The following NIBAN2 variants were observed in gnomAD, a reference collection of about 807,000 sequenced individuals.
NIBAN2 encodes protein Niban 2.
In NIBAN2, 36 loss-of-function variants were observed where a neutral mutation model predicts 81.8. That is an observed-to-expected ratio of 0.44 (90% confidence interval 0.34 to 0.58). The LOEUF (loss-of-function observed/expected upper bound fraction) is 0.58, where lower values mean the gene tolerates loss of function less well. Ranked by LOEUF, NIBAN2 falls within the 20% of genes least tolerant of loss-of-function variation. NIBAN2 has a pLI of 0.02. For missense variants in NIBAN2, 897 were observed against 1,014.1 expected (o/e 0.88, Z 1.57); for synonymous variants, 445 against 441.6 (o/e 1.01, Z -0.10).
intron 1 of NIBAN2, among the ~76,000 whole-genome samples, chr9:127,555,126 G>A (rs1837644043): frequency 6.6e-6 from 1 of 152,032 alleles, no homozygotes; most frequent in Non-Finnish European, 1.5e-5. Context: ...TTCATATTAT[G>A]CCATTGAACA....
At chr9:127,569,508 G>C (rs1837921266), upstream of NIBAN2, among the ~76,000 whole-genome samples, 1 of 151,820 alleles carries the variant, frequency 6.6e-6, no homozygotes, top group Non-Finnish European at 1.5e-5. Context: ...CCCCAACCTT[G>C]CCCGCGCGGG....
At chr9:127,513,877 G>C (rs1056149987) in intron 8 of NIBAN2, among the ~76,000 whole-genome samples, 5 of 152,116 alleles carry the variant, frequency 3.3e-5, no homozygotes, top group Non-Finnish European at 7.3e-5. Context: ...GTCTGGATCG[G>C]GACCCCTTTC....
Position 127,569,009 on chromosome 9 carries a change from C to T in NIBAN2, c.-135G>A. ...CCCGCCGCTCCCGCCGCTCCCGCCGCCCGGCTGCGGCTTCCGCTCCGGCTC... is the reference window on the plus strand; with the variant it reads ...CCCGCCGCTCCCGCCGCTCCCGCCGTCCGGCTGCGGCTTCCGCTCCGGCTC... On this transcript the variant is annotated 5_prime_UTR_variant, in exon 1 of 14. Coordinates refer to ENST00000373312, the MANE Select transcript of NIBAN2 (RefSeq NM_022833.4). 1 of 1,003,104 alleles carries T rather than the reference C, an allele frequency of 1.0e-6. No homozygotes were observed. The highest frequency in any genetic ancestry group is 1.2e-6 in the Non-Finnish European group (1 of 819,326). 62.1% of individuals were successfully genotyped at this position (1,003,104 alleles called of 1,614,324 possible).
In NIBAN2 at chr9:127,559,145, G is replaced by A. The variant is rs899916099; in HGVS notation, c.55+9675C>T. Among the ~76,000 whole-genome samples, 2 of 152,228 alleles carry A rather than the reference G, an allele frequency of 1.3e-5. No individual in the cohort carries two copies. The highest frequency in any genetic ancestry group is 4.8e-5 in the African/African-American group (2 of 41,454). On this transcript the variant is annotated intron_variant, in intron 1 of 13. Coordinates refer to ENST00000373312, the MANE Select transcript of NIBAN2 (RefSeq NM_022833.4). The surrounding 1 kb of genome is among the most constrained non-coding windows in gnomAD (Gnocchi z 4.0). ...TGTAACATGAGCCACAGCACATCCA[G>A]CTTGATGGAACCTTCTTGGCTGGCA...
rs1311410713 is a variant in NIBAN2, at chr9:127,559,272, A to C, written c.55+9548T>G. Reference sequence around the variant, plus strand: ...CAGAGCAAGCTCTTCCTTCAACGGCAAGATGGCCTCCTGCAATGTGGAGGT... The same window carrying C: ...CAGAGCAAGCTCTTCCTTCAACGGCCAGATGGCCTCCTGCAATGTGGAGGT... On this transcript the variant is annotated intron_variant, in intron 1 of 13. Coordinates refer to ENST00000373312, the MANE Select transcript of NIBAN2 (RefSeq NM_022833.4). This position sits in a 1 kb window ranked among gnomAD's most constrained non-coding sequence, Gnocchi z 4.0. 6.6e-6 allele frequency among the ~76,000 whole-genome samples: 1 copy of C among 152,218 alleles called. No homozygotes were observed. Among genetic ancestry groups the C allele is most frequent in the Non-Finnish European group, 1.5e-5 (1 of 68,044 alleles).
chr9:127,532,114 G>A (rs942607489), intron 1 of NIBAN2, among the ~76,000 whole-genome samples: 6 of 152,192 alleles, frequency 3.9e-5, no homozygotes, highest in African/African-American at 1.2e-4. Context: ...AGCTGGGGGC[G>A]CCAGGAATGG....
intron 1 of NIBAN2, among the ~76,000 whole-genome samples, chr9:127,543,658 GTC>G (rs1837421495): frequency 6.6e-6 from 1 of 152,078 alleles, no homozygotes; most frequent in Admixed American, 6.6e-5. Context: ...CACCCTGGGC[GTC>G]TCTCGCCTCC....
intron 1 of NIBAN2, among the ~76,000 whole-genome samples, chr9:127,558,426 T>C (rs72767981): frequency 0.023 from 3,434 of 152,228 alleles, 49 homozygotes; most frequent in East Asian, 0.061. Context: ...CCTGAGAGCA[T>C]AGGCATGTCC....
At chr9:127,514,599 T>C (rs570488889) in intron 8 of NIBAN2, among the ~76,000 whole-genome samples, 5 of 152,328 alleles carry the variant, frequency 3.3e-5, no homozygotes, top group Admixed American at 3.3e-4. Flanking sequence ...AAAAATACCT[T>C]AGTAGATTCA....
intron 1 of NIBAN2, 25 bp from the exon 2 acceptor site, chr9:127,531,803 C>A: frequency 6.2e-7 from 1 of 1,613,854 alleles, no homozygotes; most frequent in Non-Finnish European, 8.5e-7. Flanking sequence ...CAAGCAGGAG[C>A]TTGAGGTCCT....
Position 127,508,941 on chromosome 9 carries a change from AGGGTGT to A in NIBAN2, c.1317+29_1317+34del. 3 of 1,612,030 alleles carry A rather than the reference AGGGTGT, an allele frequency of 1.9e-6. No individual in the cohort carries two copies. The highest frequency in any genetic ancestry group is 2.5e-6 in the Non-Finnish European group (3 of 1,179,284). On this transcript the variant is annotated intron_variant, in intron 10 of 13. Transcript: ENST00000373312. The surrounding 1 kb of genome is among the most constrained non-coding windows in gnomAD (Gnocchi z 6.4). ...AGGGGGCCTGTGGAAGGCAGTGGAC[AGGGTGT>A]GGGGTGGGGGTCGTAGCCTCGGGTC... is the stretch of plus-strand genomic sequence containing the variant.
intron 3 of NIBAN2, among the ~76,000 whole-genome samples, chr9:127,526,468 G>A (rs1264982852): frequency 6.6e-6 from 1 of 152,092 alleles, no homozygotes; most frequent in Non-Finnish European, 1.5e-5. Flanking sequence ...AAACTCTGGG[G>A]GAAAGCCCAG....
At chr9:127,527,066 G>T in intron 3 of NIBAN2, 128 bp downstream of exon 3, 1 of 1,157,936 alleles carries the variant, frequency 8.6e-7, no homozygotes, top group Non-Finnish European at 1.3e-6. Context: ...CTGAGGTGGT[G>T]CTCTGGCCCT....
chr9:127,576,142 A>G (rs1242110888), intron 1 of NIBAN2, among the ~76,000 whole-genome samples: 16 of 152,172 alleles, frequency 1.1e-4, no homozygotes, highest in Admixed American at 1.0e-3. Flanking sequence ...AGCACGTATG[A>G]TGTGCAGAAC....
intron 1 of NIBAN2, among the ~76,000 whole-genome samples, chr9:127,554,542 CTT>C (rs1491507396): frequency 4.6e-5 from 5 of 108,120 alleles, no homozygotes; most frequent in Middle Eastern, 4.8e-3. Flanking sequence ...TTTTCTTTTT[CTT>C]TTTCTTTTTT....
intron 4 of NIBAN2, chr9:127,524,758 G>C (rs1588161771): frequency 3.3e-6 from 1 of 301,664 alleles, no homozygotes. Context: ...TTCCCGTAAG[G>C]CTTCTAGGGA....
upstream of NIBAN2, among the ~76,000 whole-genome samples, chr9:127,572,469 G>A (rs759315750): frequency 1.2e-4 from 18 of 152,206 alleles, no homozygotes; most frequent in Non-Finnish European, 4.4e-5. Flanking sequence ...ACTTCAGAGA[G>A]TAATAAACAT....
chr9:127,544,512 T>G (rs1255488730), intron 1 of NIBAN2, among the ~76,000 whole-genome samples: 1 of 151,214 alleles, frequency 6.6e-6, no homozygotes, highest in Non-Finnish European at 1.5e-5. Flanking sequence ...ATTAATTAAT[T>G]TTTTTTTTGA....
chr9:127,564,783 G>T lies in NIBAN2; in HGVS notation c.55+4037C>A, dbSNP rs1016570918. Among the ~76,000 whole-genome samples the T allele has an allele frequency of 3.3e-5, 5 of 151,482 alleles. 1 individual carries two copies. In the South Asian group the frequency reaches 1.0e-3, roughly 32 times the overall value. Reference sequence around the variant, plus strand: ...AGCTACTCAGGAGGCTGAGGCAGGAGAATTGCTTGAACCTGGGAGGCGGAG... The same window carrying T: ...AGCTACTCAGGAGGCTGAGGCAGGATAATTGCTTGAACCTGGGAGGCGGAG... On this transcript the variant is annotated intron_variant, in intron 1 of 13. Coordinates refer to ENST00000373312, the MANE Select transcript of NIBAN2 (RefSeq NM_022833.4).
Sources: gnomAD v4.1 joint callset for allele counts (sites outside exome capture counted in the v4.1 genomes callset) on GRCh38, gnomAD v4.1.1 for gene constraint, Gnocchi (gnomAD v3.1) non-coding constraint, MANE v1.5 for transcripts, NCBI Gene and HGNC (gene_info 2026-07-23, HGNC 2026-07-21) for gene names.